ABCA1: variants seen among roughly 807,000 people sequenced by gnomAD.
ABCA1 encodes ATP binding cassette subfamily A member 1.
In ABCA1, 133 loss-of-function variants were observed where a neutral mutation model predicts 262.5. That is an observed-to-expected ratio of 0.51 (90% confidence interval 0.44 to 0.59). The LOEUF (loss-of-function observed/expected upper bound fraction) is 0.59. Among genes scored for constraint, ABCA1 ranks in the 20% least tolerant of loss-of-function variants. The probability of loss-of-function intolerance (pLI) is 0.00; values close to 1 mark genes in which losing one functional copy is unlikely to be tolerated. For missense variants in ABCA1, 2,452 were observed against 2,777.5 expected (o/e 0.88, Z 2.63); for synonymous variants, 1,022 against 1,043.5 (o/e 0.98, Z 0.40).
At position 104,788,407 on chromosome 9, in the gene ABCA1, T is replaced by C. The variant is rs373924944; in HGVS notation, c.6069+19A>G. On this transcript the variant is annotated intron_variant, in intron 45 of 49. Transcript: ENST00000374736. ...AGGATGCCAAAGGAGACAGGCTGGC[T>C]TTCAGGTGCCCACAGTACCTTGCCA... 1.3e-4 allele frequency: 207 copies of C among 1,614,072 alleles called. No homozygotes were observed. Among genetic ancestry groups the C allele is most frequent in the African/African-American group, 1.1e-3 (86 of 75,056 alleles).
chr9:104,806,181 C>T (rs558032948), intron 31 of ABCA1, 60 bp downstream of exon 31: 23 of 1,516,954 alleles, frequency 1.5e-5, no homozygotes, highest in East Asian at 6.8e-5. Context: ...TGCTTCCAAG[C>T]GGAAGCTACC....
At chr9:104,863,695 T>TC (rs1836829547) in intron 5 of ABCA1, among the ~76,000 whole-genome samples, 1 of 152,242 alleles carries the variant, frequency 6.6e-6, no homozygotes, top group Admixed American at 6.5e-5. Flanking sequence ...GAGAAATGAT[T>TC]CACTGCTACC....
At chr9:104,839,807 C>G (rs1034641374) in intron 9 of ABCA1, among the ~76,000 whole-genome samples, 4 of 152,192 alleles carry the variant, frequency 2.6e-5, no homozygotes, top group African/African-American at 9.7e-5. Context: ...CGGATCTACT[C>G]TCTTAGCAAA....
At chr9:104,816,971 C>G (rs111975414) in intron 24 of ABCA1, among the ~76,000 whole-genome samples, 7,924 of 152,174 alleles carry the variant, frequency 0.052, 558 homozygotes, top group African/African-American at 0.16. Context: ...GGCTGTTCCT[C>G]ATCTCCTGGG....
intron 5 of ABCA1, among the ~76,000 whole-genome samples, chr9:104,868,528 T>C (rs1373177600): frequency 6.6e-6 from 1 of 152,178 alleles, no homozygotes; most frequent in East Asian, 1.9e-4. Flanking sequence ...GGGCTACTGC[T>C]GCCAGCAGAA....
intron 2 of ABCA1, among the ~76,000 whole-genome samples, chr9:104,902,833 G>C (rs182103739): frequency 6.6e-6 from 1 of 152,048 alleles, no homozygotes; most frequent in South Asian, 2.1e-4. Context: ...CATTAAGACA[G>C]CCAAGTGGGG....
At chr9:104,821,286 G>T in intron 20 of ABCA1, 89 bp downstream of exon 20, 1 of 1,538,898 alleles carries the variant, frequency 6.5e-7, no homozygotes, top group Non-Finnish European at 8.8e-7. Flanking sequence ...ACACAGCAAA[G>T]TAAAATGCTT....
intron 1 of ABCA1, among the ~76,000 whole-genome samples, chr9:104,918,526 T>C (rs1447546689): frequency 2.0e-5 from 3 of 152,236 alleles, no homozygotes; most frequent in Non-Finnish European, 4.4e-5. Flanking sequence ...CCACAGTACA[T>C]GGTGTTTAAC....
chr9:104,916,973 AG>A (rs1841884912), intron 1 of ABCA1, among the ~76,000 whole-genome samples: 1 of 152,238 alleles, frequency 6.6e-6, no homozygotes, highest in Admixed American at 6.5e-5. Context: ...CCGTAACACT[AG>A]ACCCCAACAT....
At chr9:104,922,897 A>C (rs1842220845) in intron 1 of ABCA1, among the ~76,000 whole-genome samples, 1 of 152,090 alleles carries the variant, frequency 6.6e-6, no homozygotes, top group Non-Finnish European at 1.5e-5. Flanking sequence ...TTGTATTGTT[A>C]GTAGAGACGG....
rs1032159491 is a variant in ABCA1 at position 104,784,082 on chromosome 9, T to G, written c.*233A>C. 7 of 530,246 alleles carry G rather than the reference T, an allele frequency of 1.3e-5. No homozygotes were observed. In the African/African-American group the frequency reaches 1.3e-4, roughly 10 times the overall value. The allele number at this position is 530,246 out of a possible 1,614,324, so 32.8% of individuals were successfully genotyped here. A position where few individuals can be genotyped will look rare whatever the true frequency, so the allele number is the denominator to read the frequency against. On this transcript the variant is annotated 3_prime_UTR_variant, in exon 50 of 50. Transcript: ENST00000374736. ...ACATAGGTATAGGTAAAAAACTAAA[T>G]TCAAGTCTTTCACTTGAGAGCCATA...
intron 26 of ABCA1, 65 bp downstream of exon 26, chr9:104,814,362 C>CGT: frequency 6.3e-7 from 1 of 1,577,962 alleles, no homozygotes; most frequent in Non-Finnish European, 8.7e-7. Context: ...GAACAATACT[C>CGT]GTGCACTGAG....
At chr9:104,909,411 A>G (rs1455928733) in intron 1 of ABCA1, among the ~76,000 whole-genome samples, 1 of 152,196 alleles carries the variant, frequency 6.6e-6, no homozygotes, top group Non-Finnish European at 1.5e-5. Context: ...GTAAGGGGAC[A>G]GAGAGTAACG....
intron 1 of ABCA1, among the ~76,000 whole-genome samples, chr9:104,914,375 G>A (rs1472314391): frequency 6.6e-6 from 1 of 151,624 alleles, no homozygotes; most frequent in Admixed American, 6.6e-5. Context: ...CTACTCAGGA[G>A]GCTGAGCCAG....
At chr9:104,831,224 T>A in intron 13 of ABCA1, 123 bp from the exon 14 acceptor site, 1 of 1,028,064 alleles carries the variant, frequency 9.7e-7, no homozygotes, top group Non-Finnish European at 1.4e-6. Context: ...TTTGTATCTT[T>A]TTTTTTTTTT....
In ABCA1 at chr9:104,885,899, G is replaced by A. The variant is rs115285413; in HGVS notation, c.161-1331C>T. 2.1e-3 allele frequency among the ~76,000 whole-genome samples: 321 copies of A among 152,258 alleles called. 1 individual carries two copies. Among genetic ancestry groups the A allele is most frequent in the African/African-American group, 7.5e-3 (311 of 41,540 alleles). ...TGGTGAAGAACAAGTAGCTTCACAG[G>A]CTTTGGAGTCAAACCAATTGGAATT... On this transcript the variant is annotated intron_variant, in intron 3 of 49. Coordinates refer to ENST00000374736, the MANE Select transcript of ABCA1 (RefSeq NM_005502.4).
At chr9:104,876,591 T>A (rs1193312670) in intron 5 of ABCA1, among the ~76,000 whole-genome samples, 2 of 152,134 alleles carry the variant, frequency 1.3e-5, no homozygotes, top group Admixed American at 6.5e-5. Flanking sequence ...CCATTAGGTA[T>A]CACTAAGCAA....
At chr9:104,920,792 A>G (rs950730999) in intron 1 of ABCA1, among the ~76,000 whole-genome samples, 3 of 152,228 alleles carry the variant, frequency 2.0e-5, no homozygotes, top group Non-Finnish European at 4.4e-5. Context: ...TTATAGGCAG[A>G]AGCCATCGCG....
At chr9:104,820,639 T>G (rs1360950443) in intron 20 of ABCA1, among the ~76,000 whole-genome samples, 1 of 152,212 alleles carries the variant, frequency 6.6e-6, no homozygotes, top group East Asian at 1.9e-4. Flanking sequence ...GGGGGCCTTA[T>G]GGCTGATGGG....
Sources: allele counts gnomAD v4.1 joint callset (sites outside exome capture counted in the v4.1 genomes callset), GRCh38; gene constraint gnomAD v4.1.1; transcripts MANE v1.5; gene names NCBI Gene and HGNC (gene_info 2026-07-23, HGNC 2026-07-21).